Variants in NEB observed in about 807,000 individuals in gnomAD.
NEB encodes nebulin.
NEB carries 512 observed loss-of-function variants against 952.2 expected under a neutral mutation model. The ratio of observed to expected loss-of-function variants is 0.54; its 90% confidence interval spans 0.50 to 0.58. The LOEUF (loss-of-function observed/expected upper bound fraction) is 0.58, where lower values mean the gene tolerates loss of function less well. Ranked by LOEUF, NEB falls within the 20% of genes least tolerant of loss-of-function variation. NEB has a pLI of 0.00. For missense variants in NEB, 8,428 were observed against 9,231.1 expected, an observed-to-expected ratio of 0.91 and a Z score of 3.56; for synonymous variants, 2,900 against 3,149.8, an observed-to-expected ratio of 0.92 and a Z score of 2.66.
At position 151,695,638 on chromosome 2, in the gene NEB, A is replaced by T; in HGVS notation, c.1614T>A (p.His538Gln). The T allele has an allele frequency of 6.2e-7, 1 of 1,613,974 alleles. No homozygotes were observed. The highest frequency in any genetic ancestry group is 1.7e-5 in the Admixed American group (1 of 60,020). Residue 538 changes from histidine to glutamine, a missense_variant, in exon 18 of 182, where the codon CAT becomes CAA. Coordinates refer to ENST00000397345, the MANE Select transcript of NEB (RefSeq NM_001164508.2). ...TAAAAGCAGGAGTATCAGGGGGGAT[A>T]TGGCACTTGAACTTTTCACTTTCAT... ...AKHESEKFKC[H>Q]IPPDTPAFIQ...
chr2:151,503,046 A>G, intron 166 of NEB, 161 bp from the exon 167 acceptor site: 2 of 595,262 alleles, frequency 3.4e-6, no homozygotes, highest in South Asian at 4.5e-5. Context: ...TTAATGATGA[A>G]CTCTACAATG....
chr2:151,552,358 T>A (rs1448966012), intron 128 of NEB, among the ~76,000 whole-genome samples: 1 of 152,190 alleles, frequency 6.6e-6, no homozygotes, highest in African/African-American at 2.4e-5. Context: ...CATAGCTGGT[T>A]CTAATTTATT....
At chr2:151,688,509 A>G in intron 24 of NEB, 113 bp from the exon 25 acceptor site, 1 of 768,208 alleles carries the variant, frequency 1.3e-6, no homozygotes, top group Non-Finnish European at 2.2e-6. Flanking sequence ...TCAAAGAGAT[A>G]CTCAATTCAG....
At position 151,581,612 on chromosome 2, in the gene NEB, A is replaced by G. The variant is rs185166179; in HGVS notation, c.16180-25T>C. ...GCTGGGAAAAATGAAAAACGATGGA[A>G]TGGTCAATTAGTAAATAAGTCAATT... On this transcript the variant is annotated intron_variant, in intron 102 of 181. Transcript: ENST00000397345. 1.5e-3 allele frequency: 1,316 copies of G among 857,638 alleles called. 22 individuals are homozygous for G. In the African/African-American group the frequency reaches 0.018, roughly 12 times the overall value. 53.1% of individuals were successfully genotyped at this position (857,638 alleles called of 1,614,324 possible). A position where few individuals can be genotyped will look rare whatever the true frequency, so the allele number is the denominator to read the frequency against.
rs377054979 is a variant in NEB at position 151,672,596 on chromosome 2, A to G, written c.4072T>C (p.Tyr1358His). 1.9e-5 allele frequency: 30 copies of G among 1,613,878 alleles called. No individual in the cohort carries two copies. The highest frequency in any genetic ancestry group is 2.7e-5 in the African/African-American group (2 of 74,922). ...SLQDDPKLVH[Y>H]MNVAKLQSDR... ...GACTGCAGCTTTGCCACATTCATAT[A>G]GTGGACCAGCTTGGGATCATCCTGG... The change falls in exon 37 of 182, where the codon TAT becomes CAT. Residue 1358 changes from tyrosine (Y) to histidine (H), a missense_variant. By Grantham distance (83) the Tyr-to-His change is moderately conservative. Transcript: ENST00000397345.
Position 151,514,920 on chromosome 2 carries a change from A to T in NEB, c.22914T>A (p.Tyr7638Ter). 2.6e-6 allele frequency: 4 copies of T among 1,559,634 alleles called. No individual in the cohort carries two copies. Among genetic ancestry groups the T allele is most frequent in the Non-Finnish European group, 3.5e-6 (4 of 1,147,700 alleles). The change falls in exon 158 of 182, where the codon TAT (tyrosine) becomes TAA (stop). Residue 7638 changes from tyrosine to a stop codon, truncating the protein, a stop_gained. Coordinates refer to ENST00000397345, the MANE Select transcript of NEB (RefSeq NM_001164508.2). LOFTEE classifies it high-confidence loss of function. The stretch of plus-strand genomic sequence containing the variant: ...TAATGGACTCTTCATAATCTTTCCT[A>T]TATTCTTTCTAATGTAAGTAGGAAG... ...ESQQMQSGKE[Y>*]RKDYEESIKG...
intron 54 of NEB, among the ~76,000 whole-genome samples, chr2:151,646,469 C>T (rs984439850): frequency 5.3e-5 from 8 of 152,172 alleles, no homozygotes; most frequent in Admixed American, 3.9e-4. Context: ...ATCCTGCCTA[C>T]AAGAAATCAA....
chr2:151,498,239 T>C (rs1180866673), intron 170 of NEB, 21 bp downstream of exon 170: 20 of 1,550,750 alleles, frequency 1.3e-5, no homozygotes, highest in Middle Eastern at 3.3e-4. Context: ...TGGCATTTTT[T>C]CCCCTTTCTT....
In NEB at chr2:151,496,564, A is replaced by C. The variant is rs552448949; in HGVS notation, c.24394-196T>G. Among the ~76,000 whole-genome samples the C allele has an allele frequency of 2.3e-3, 354 of 152,300 alleles. 3 individuals are homozygous for C. The highest frequency in any genetic ancestry group is 8.3e-3 in the African/African-American group (343 of 41,562). On this transcript the variant is annotated intron_variant, in intron 172 of 181. Coordinates refer to ENST00000397345, the MANE Select transcript of NEB (RefSeq NM_001164508.2). Reference sequence around the variant, plus strand: ...ATGGGGAATCTGCACCCTCTAGAGAAGCAGGGACCTCAGCTGCTGGGGAAA... The same window carrying C: ...ATGGGGAATCTGCACCCTCTAGAGACGCAGGGACCTCAGCTGCTGGGGAAA...
rs946276042 is a variant in NEB, at chr2:151,703,898, G to A, written c.1152+2983C>T. 1.4e-4 allele frequency among the ~76,000 whole-genome samples: 19 copies of A among 134,702 alleles called. No homozygotes were observed. In the Admixed American group the frequency reaches 1.5e-3, roughly 11 times the overall value. 88.4% of individuals were successfully genotyped at this position (134,702 alleles called of 152,430 possible). ...CTCCATCCAGCTTTATTCCGTTGCT[G>A]GTGAGGAACTGCGTTCCTTTGGAGG... On this transcript the variant is annotated intron_variant, in intron 13 of 181. Coordinates refer to ENST00000397345, the MANE Select transcript of NEB (RefSeq NM_001164508.2).
chr2:151,668,889 T>C (rs1489477997), intron 39 of NEB, 138 bp downstream of exon 39: 5 of 594,470 alleles, frequency 8.4e-6, no homozygotes, highest in Non-Finnish European at 1.1e-5. Flanking sequence ...TAGGCTCATG[T>C]TGCATGGTTA....
At chr2:151,702,387 T>C (rs1346177972) in intron 13 of NEB, among the ~76,000 whole-genome samples, 1 of 152,200 alleles carries the variant, frequency 6.6e-6, no homozygotes, top group African/African-American at 2.4e-5. Context: ...TAGGTCCGCT[T>C]GGTGCAGAGC....
Position 151,666,332 on chromosome 2 carries a change from G to A in NEB, c.4789C>T (p.Pro1597Ser), listed in dbSNP as rs772492791. The change falls in exon 41 of 182, where the codon CCT becomes TCT. Residue 1597 changes from proline to serine, a missense_variant. By Grantham distance (74) the Pro-to-Ser change is moderately conservative. This residue lies in a region of NEB where 2,851 missense variants were observed against 2,791.5 expected (regional missense o/e 1.02). Transcript: ENST00000397345. ...QVGFLSLQDD[P>S]KLVHYMNVAK... ...ACATTCATGTAGTGAACCAGTTTAG[G>A]ATCATCCTGAAGACTGAGAAATCCA... 14 of 1,613,854 alleles carry A rather than the reference G, an allele frequency of 8.7e-6. No individual in the cohort carries two copies. In the South Asian group the frequency reaches 1.3e-4, roughly 15 times the overall value.
At chr2:151,522,985 C>T (rs1449676543) in intron 153 of NEB, among the ~76,000 whole-genome samples, 1 of 152,194 alleles carries the variant, frequency 6.6e-6, no homozygotes, top group Non-Finnish European at 1.5e-5. Flanking sequence ...TCCCATTCTC[C>T]ATACCATAGG....
intron 168 of NEB, 153 bp from the exon 169 acceptor site, chr2:151,499,543 G>A (rs1001718403): frequency 1.7e-5 from 9 of 524,878 alleles, no homozygotes; most frequent in African/African-American, 1.4e-4. Flanking sequence ...AGATCTGGGT[G>A]AGAACATGTT....
intron 68 of NEB, among the ~76,000 whole-genome samples, chr2:151,628,283 T>A (rs1376867906): frequency 6.6e-6 from 1 of 152,074 alleles, no homozygotes; most frequent in African/African-American, 2.4e-5. Context: ...TATCCCTCCA[T>A]CCAACACACC....
In NEB at chr2:151,655,801, C is replaced by G; in HGVS notation, c.6702+16G>C. 2 of 1,612,620 alleles carry G rather than the reference C, an allele frequency of 1.2e-6. No individual in the cohort carries two copies. Among genetic ancestry groups the G allele is most frequent in the Non-Finnish European group, 1.7e-6 (2 of 1,179,038 alleles). Reference sequence around the variant, plus strand: ...CCTCACGTGGGAGCTGTGTGGACGGCCACTGTTCTCTGTACCTTGTTCATG... The same window carrying G: ...CCTCACGTGGGAGCTGTGTGGACGGGCACTGTTCTCTGTACCTTGTTCATG... On this transcript the variant is annotated intron_variant, in intron 50 of 181. Coordinates refer to ENST00000397345, the MANE Select transcript of NEB (RefSeq NM_001164508.2).
chr2:151,655,706 T>G, intron 50 of NEB, 111 bp downstream of exon 50: 1 of 1,170,020 alleles, frequency 8.5e-7, no homozygotes, highest in Non-Finnish European at 1.2e-6. Context: ...CTGGAATGGT[T>G]TGCCACAGCC....
intron 28 of NEB, among the ~76,000 whole-genome samples, chr2:151,683,964 CAA>C (rs911821381): frequency 5.3e-5 from 8 of 152,090 alleles, no homozygotes. Flanking sequence ...AAGCCAATCA[CAA>C]AGAGACAAAT....
Sources: allele counts gnomAD v4.1 joint callset (sites outside exome capture counted in the v4.1 genomes callset), GRCh38; gene constraint gnomAD v4.1.1; regional missense constraint gnomAD v4.1.1; transcripts MANE v1.5; gene names NCBI Gene and HGNC (gene_info 2026-07-23, HGNC 2026-07-21).